Variants in KDM5B observed in about 807,000 individuals in gnomAD.
KDM5B encodes lysine-specific demethylase 5B.
A neutral mutation model predicts 193.4 loss-of-function variants in KDM5B; 144 were observed. The ratio of observed to expected loss-of-function variants is 0.74; its 90% CI spans 0.65 to 0.86. KDM5B has a LOEUF of 0.86. KDM5B is among the 40% of genes least tolerant of loss of function. KDM5B has a pLI of 0.00. For synonymous variants in KDM5B, 668 were observed against 682.6 expected (o/e 0.98, Z 0.33); for missense variants, 1,833 against 1,886.9 (o/e 0.97, Z 0.53).
chr1:202,745,554 G>GT (rs59015161), intron 16 of KDM5B, among the ~76,000 whole-genome samples: 8,953 of 152,108 alleles, frequency 0.059, 453 homozygotes, highest in East Asian at 0.25. Flanking sequence ...CAACATCTTT[G>GT]TAAGAAATGT....
chr1:202,779,404 G>A (rs1657099049), intron 1 of KDM5B, among the ~76,000 whole-genome samples: 2 of 151,372 alleles, frequency 1.3e-5, no homozygotes, highest in African/African-American at 4.9e-5. Context: ...GTGTGAACCC[G>A]GGAGGCGGAG....
In KDM5B at chr1:202,749,068, C is replaced by CTCA; in HGVS notation, c.1890_1892dup (p.Asp630dup). ...CCTTGGAAGCCATCTTGCAGATCAT[C>CTCA]TCATCGTGGGAAAACACACAATATC... On this transcript the variant is annotated inframe_insertion, in exon 14 of 27. Coordinates refer to ENST00000367265, the MANE Select transcript of KDM5B (RefSeq NM_006618.5). The CTCA allele has an allele frequency of 6.2e-7, 1 of 1,614,128 alleles. No homozygotes were observed. Among genetic ancestry groups the CTCA allele is most frequent in the Non-Finnish European group, 8.5e-7 (1 of 1,179,994 alleles).
At chr1:202,747,217 T>C (rs1245717480) in intron 14 of KDM5B, among the ~76,000 whole-genome samples, 1 of 152,164 alleles carries the variant, frequency 6.6e-6, no homozygotes, top group Non-Finnish European at 1.5e-5. Context: ...TAATTAGATT[T>C]TGGTTTTATT....
Position 202,747,353 on chromosome 1 carries a change from T to C in KDM5B, c.2017-1030A>G, listed in dbSNP as rs1307756023. Among the ~76,000 whole-genome samples, 4 of 152,174 alleles carry C rather than the reference T, an allele frequency of 2.6e-5. No homozygotes were observed. In the East Asian group the frequency reaches 7.7e-4, roughly 29 times the overall value. Reference sequence around the variant, plus strand: ...CAATCATGTAGTTCATACCTAATTTTAATTTGTAAATTCCATATATGGAAA... The same window carrying C: ...CAATCATGTAGTTCATACCTAATTTCAATTTGTAAATTCCATATATGGAAA... On this transcript the variant is annotated intron_variant, in intron 14 of 26. Transcript: ENST00000367265.
At chr1:202,789,310 CAGG>C (rs1657539448) in intron 1 of KDM5B, among the ~76,000 whole-genome samples, 3 of 151,976 alleles carry the variant, frequency 2.0e-5, no homozygotes, top group Non-Finnish European at 4.4e-5. Context: ...CACTTGAGGT[CAGG>C]AGTTCGAGAC....
At chr1:202,775,903 T>TAA (rs1553358986) in intron 2 of KDM5B, among the ~76,000 whole-genome samples, 13 of 104,988 alleles carry the variant, frequency 1.2e-4, no homozygotes, top group African/African-American at 3.2e-4. Flanking sequence ...TATATATATA[T>TAA]AATATATACA....
chr1:202,760,703 A>G (rs564006083), intron 7 of KDM5B, 130 bp from the exon 8 acceptor site: 24 of 533,758 alleles, frequency 4.5e-5, no homozygotes, highest in South Asian at 2.2e-4. Context: ...TTCAACCTCT[A>G]TAAGGGATAT....
At chr1:202,778,654 GCT>G (rs1657063317) in intron 1 of KDM5B, among the ~76,000 whole-genome samples, 2 of 151,890 alleles carry the variant, frequency 1.3e-5, no homozygotes, top group South Asian at 4.2e-4. Flanking sequence ...ACAGAGTTTC[GCT>G]CTGTCACCCA....
At position 202,725,188 on chromosome 1, in the gene KDM5B, T is replaced by A. The variant is rs547193164; in HGVS notation, c.*3848A>T. ...GATTATCTGTTCTGTTGTTGACTGG[T>A]TTTAAATGTTCCATTTATACTGATA... On this transcript the variant is annotated 3_prime_UTR_variant, in exon 27 of 27. Coordinates refer to ENST00000367265, the MANE Select transcript of KDM5B (RefSeq NM_006618.5). 1 of 152,362 alleles carries A rather than the reference T, an allele frequency of 6.6e-6. No homozygotes were observed. The highest frequency in any genetic ancestry group is 2.4e-5 in the African/African-American group (1 of 41,586). 9.4% of individuals were successfully genotyped at this position (152,362 alleles called of 1,614,324 possible). A position where few individuals can be genotyped will look rare whatever the true frequency, so the allele number is the denominator to read the frequency against.
chr1:202,807,136 G>C (rs1160479879), intron 1 of KDM5B: 1 of 152,334 alleles, frequency 6.6e-6, no homozygotes, highest in African/African-American at 2.4e-5. Flanking sequence ...CTGCCTTTCA[G>C]TGCCCGGAGC....
intron 16 of KDM5B, among the ~76,000 whole-genome samples, chr1:202,745,369 G>C (rs1655512173): frequency 6.6e-6 from 1 of 152,172 alleles, no homozygotes; most frequent in Non-Finnish European, 1.5e-5. Flanking sequence ...AGAAAAAAGA[G>C]AGAGAGAGAT....
At chr1:202,791,576 A>C (rs1393702717) in intron 1 of KDM5B, among the ~76,000 whole-genome samples, 3 of 152,170 alleles carry the variant, frequency 2.0e-5, no homozygotes, top group African/African-American at 4.8e-5. Flanking sequence ...ATCCAAGTGA[A>C]GCAAAGCCTT....
chr1:202,748,087 C>T (rs1344517029), intron 14 of KDM5B, among the ~76,000 whole-genome samples: 2 of 152,026 alleles, frequency 1.3e-5, no homozygotes, highest in African/African-American at 4.8e-5. Context: ...ACACAAGAGT[C>T]CAGAAATAGA....
chr1:202,755,119 G>T, intron 11 of KDM5B, 152 bp downstream of exon 11: 1 of 571,612 alleles, frequency 1.7e-6, no homozygotes, highest in Non-Finnish European at 3.1e-6. Context: ...GTCTTAACTT[G>T]TCAGGATGCC....
At chr1:202,807,043 T>C (rs1457532703) in intron 1 of KDM5B, 1 of 152,280 alleles carries the variant, frequency 6.6e-6, no homozygotes, top group Non-Finnish European at 1.5e-5. Flanking sequence ...CCGTTACGGA[T>C]GGTTTCAGCA....
chr1:202,731,115 T>C, intron 24 of KDM5B, 52 bp from the exon 25 acceptor site: 2 of 1,483,222 alleles, frequency 1.3e-6, no homozygotes, highest in Non-Finnish European at 1.8e-6. Context: ...GTGTTTCACA[T>C]TCACATTTGG....
intron 1 of KDM5B, among the ~76,000 whole-genome samples, chr1:202,805,694 C>T (rs1658262132): frequency 6.6e-6 from 1 of 152,110 alleles, no homozygotes; most frequent in African/African-American, 2.4e-5. Context: ...TATATGAAAC[C>T]ACTTGTTCAC....
intron 1 of KDM5B, among the ~76,000 whole-genome samples, chr1:202,787,163 C>T (rs1172313385): frequency 1.3e-5 from 2 of 152,168 alleles, no homozygotes; most frequent in African/African-American, 4.8e-5. Flanking sequence ...CATGCCACCA[C>T]ATCAGGCTAA....
chr1:202,785,337 T>C (rs1292847474), intron 1 of KDM5B, among the ~76,000 whole-genome samples: 2 of 152,148 alleles, frequency 1.3e-5, no homozygotes, highest in African/African-American at 4.8e-5. Flanking sequence ...CATTTTAACC[T>C]CCTCTATATT....
Sources: gnomAD v4.1 joint callset for allele counts (sites outside exome capture counted in the v4.1 genomes callset) on GRCh38, gnomAD v4.1.1 for gene constraint, MANE v1.5 for transcripts, NCBI Gene and HGNC (gene_info 2026-07-23, HGNC 2026-07-21) for gene names.